Variants in PITPNM3 observed in about 807,000 individuals in gnomAD.
PITPNM3 encodes the protein membrane-associated phosphatidylinositol transfer protein 3.
A neutral mutation model predicts 102.0 loss-of-function variants in PITPNM3; 26 were observed. The ratio of observed to expected loss-of-function variants is 0.25; its 90% CI spans 0.19 to 0.35. The LOEUF (loss-of-function observed/expected upper bound fraction) is 0.35, where lower values mean the gene tolerates loss of function less well. PITPNM3 is among the 10% of genes least tolerant of loss of function. The pLI is 1.00. For missense variants in PITPNM3, 1,083 were observed against 1,346.1 expected (o/e 0.80, Z 3.06); for synonymous variants, 578 against 558.6 (o/e 1.03, Z -0.49).
At chr17:6,465,196 G>A (rs774447409) in intron 14 of PITPNM3, among the ~76,000 whole-genome samples, 7 of 152,264 alleles carry the variant, frequency 4.6e-5, no homozygotes, top group South Asian at 4.1e-4. Context: ...ACAGGCATGC[G>A]CCTCCACACC....
chr17:6,523,748 C>G (rs1567687461), intron 3 of PITPNM3, among the ~76,000 whole-genome samples: 1 of 152,240 alleles, frequency 6.6e-6, no homozygotes, highest in Non-Finnish European at 1.5e-5. Context: ...CTGGCAGATA[C>G]ATGGCTATGA....
intron 4 of PITPNM3, 92 bp downstream of exon 4, chr17:6,503,435 A>G (rs1401980987): frequency 2.1e-6 from 3 of 1,413,432 alleles, no homozygotes; most frequent in Non-Finnish European, 3.0e-6. Context: ...CCATCCTTTC[A>G]GGCTCTGAGT....
At position 6,556,303 on chromosome 17, in the gene PITPNM3, C is replaced by T; in HGVS notation, c.22+82G>A. On this transcript the variant is annotated intron_variant, in intron 1 of 19. Coordinates refer to ENST00000262483, the MANE Select transcript of PITPNM3 (RefSeq NM_031220.4). The surrounding 1 kb of genome is among the most constrained non-coding windows in gnomAD (Gnocchi z 5.2). ...CCTCCGCCCACCTGCGCGAGGGGTT[C>T]ACCTGGGCCGGCGGCCCCTCCTCTA... 8.1e-7 allele frequency: 1 copy of T among 1,242,118 alleles called. No individual in the cohort carries two copies. Among genetic ancestry groups the T allele is most frequent in the African/African-American group, 1.6e-5 (1 of 63,714 alleles). 76.9% of individuals were successfully genotyped at this position (1,242,118 alleles called of 1,614,324 possible). A position where few individuals can be genotyped will look rare whatever the true frequency, so the allele number is the denominator to read the frequency against.
chr17:6,463,666 T>C (rs1904609600), intron 17 of PITPNM3, 66 bp downstream of exon 17: 2 of 1,566,432 alleles, frequency 1.3e-6, no homozygotes, highest in Non-Finnish European at 1.7e-6. Context: ...AAACAACATA[T>C]TTCCCCCAGG....
intron 1 of PITPNM3, among the ~76,000 whole-genome samples, chr17:6,542,722 C>A (rs774215976): frequency 3.9e-5 from 6 of 151,996 alleles, no homozygotes; most frequent in Admixed American, 2.6e-4. Context: ...GCCTTGTCAG[C>A]GACAGGACCA....
chr17:6,479,708 C>G (rs979177281), intron 6 of PITPNM3: 1 of 152,312 alleles, frequency 6.6e-6, no homozygotes, highest in African/African-American at 2.4e-5. Context: ...CAGCAGGTGG[C>G]AGAGTCCTCG....
intron 4 of PITPNM3, among the ~76,000 whole-genome samples, chr17:6,498,850 C>A (rs1176468943): frequency 2.0e-5 from 3 of 152,112 alleles, no homozygotes; most frequent in Admixed American, 2.0e-4. Flanking sequence ...TCCCTACAGC[C>A]AGCACCATGG....
In PITPNM3 at chr17:6,477,195, C is replaced by G. The variant is rs769516771; in HGVS notation, c.919G>C (p.Glu307Gln). The G allele has an allele frequency of 1.2e-6, 2 of 1,614,016 alleles. No individual in the cohort carries two copies. The highest frequency in any genetic ancestry group is 1.6e-4 in the Middle Eastern group (1 of 6,084). The change falls in exon 9 of 20, where the codon GAG becomes CAG. Residue 307 changes from glutamate (E) to glutamine (Q), a missense_variant. Around this residue, in one of 5 missense-constraint regions of PITPNM3, gnomAD observed 172 missense variants for 175.6 expected, o/e 0.98. Coordinates refer to ENST00000262483, the MANE Select transcript of PITPNM3 (RefSeq NM_031220.4). ...SSTQDTPVAV[E>Q]EDCSLASSKR... ...CTGCTGGCCAGGCTGCAATCTTCCT[C>G]CACCGCGACTGGGGTGTCCTTTGGG...
At chr17:6,555,998 C>T (rs1028066889) in intron 1 of PITPNM3, among the ~76,000 whole-genome samples, 4 of 152,110 alleles carry the variant, frequency 2.6e-5, no homozygotes, top group African/African-American at 4.8e-5. Flanking sequence ...GGGCGCGTCC[C>T]GGTTTGCGTT....
chr17:6,542,436 C>T (rs953842612), intron 1 of PITPNM3, among the ~76,000 whole-genome samples: 28 of 152,122 alleles, frequency 1.8e-4, no homozygotes, highest in African/African-American at 6.8e-4. Flanking sequence ...ATGCACACTC[C>T]CATAATTCTC....
intron 1 of PITPNM3, among the ~76,000 whole-genome samples, chr17:6,543,418 C>T (rs1038035986): frequency 1.1e-4 from 16 of 152,318 alleles, no homozygotes; most frequent in Middle Eastern, 3.4e-3. Context: ...TATCAGGGAC[C>T]CCAAGGCAGC....
rs186545053 is a variant in PITPNM3 at position 6,460,093 on chromosome 17, G to T, written c.2490+1280C>A. 3.3e-4 allele frequency among the ~76,000 whole-genome samples: 51 copies of T among 152,244 alleles called. 1 individual carries two copies. The highest frequency in any genetic ancestry group is 1.1e-3 in the African/African-American group (45 of 41,554). On this transcript the variant is annotated intron_variant, in intron 18 of 19. Coordinates refer to ENST00000262483, the MANE Select transcript of PITPNM3 (RefSeq NM_031220.4). ...CCGTGACCCTCAGCAGAGAATTTAT[G>T]ATCTTGGCCTGGTTTCCAAGGTTTT...
Position 6,478,152 on chromosome 17 carries a change from C to G in PITPNM3, c.778-55G>C. On this transcript the variant is annotated intron_variant, in intron 7 of 19. Coordinates refer to ENST00000262483, the MANE Select transcript of PITPNM3 (RefSeq NM_031220.4). This position sits in a 1 kb window ranked among gnomAD's most constrained non-coding sequence, Gnocchi z 4.4. Reference sequence around the variant, plus strand: ...CTGCCCACTGCTGACCCCTCACCCCCACACCCGGCCAGAGCAGTGCTGCCT... The same window carrying G: ...CTGCCCACTGCTGACCCCTCACCCCGACACCCGGCCAGAGCAGTGCTGCCT... The G allele has an allele frequency of 1.2e-6, 2 of 1,607,880 alleles. No individual in the cohort carries two copies. The highest frequency in any genetic ancestry group is 1.7e-6 in the Non-Finnish European group (2 of 1,179,786).
intron 1 of PITPNM3, among the ~76,000 whole-genome samples, chr17:6,549,454 G>T (rs1224162091): frequency 6.6e-6 from 1 of 152,170 alleles, no homozygotes; most frequent in Non-Finnish European, 1.5e-5. Flanking sequence ...GCTGTGTGGG[G>T]CCCCAGTGCT....
chr17:6,476,923 CT>C, intron 9 of PITPNM3, 105 bp downstream of exon 9: 1 of 1,391,528 alleles, frequency 7.2e-7, no homozygotes, highest in Non-Finnish European at 9.9e-7. Context: ...CATTTCAGTG[CT>C]TATCTATGGG....
At chr17:6,483,158 A>C (rs997165867) in intron 6 of PITPNM3, among the ~76,000 whole-genome samples, 8 of 151,978 alleles carry the variant, frequency 5.3e-5, no homozygotes, top group Non-Finnish European at 1.0e-4. Flanking sequence ...ATTAGCCAGG[A>C]TGGTCTTGAT....
chr17:6,535,156 A>G (rs972089055), intron 2 of PITPNM3, among the ~76,000 whole-genome samples: 1 of 151,884 alleles, frequency 6.6e-6, no homozygotes, highest in African/African-American at 2.4e-5. Context: ...AGGCCACAGG[A>G]TGCCAGGCCA....
chr17:6,509,567 G>A (rs945263257), intron 3 of PITPNM3, among the ~76,000 whole-genome samples: 9 of 152,190 alleles, frequency 5.9e-5, no homozygotes, highest in African/African-American at 2.2e-4. Context: ...GGGCCAGACT[G>A]GTGGCTTTGC....
chr17:6,533,892 T>C (rs1318035133), intron 2 of PITPNM3, among the ~76,000 whole-genome samples: 1 of 152,198 alleles, frequency 6.6e-6, no homozygotes, highest in Admixed American at 6.5e-5. Context: ...CACCTGGCAC[T>C]TGATGGACGG....
Sources: allele counts gnomAD v4.1 joint callset (sites outside exome capture counted in the v4.1 genomes callset), GRCh38; gene constraint gnomAD v4.1.1; regional missense constraint gnomAD v4.1.1; non-coding constraint Gnocchi (gnomAD v3.1); transcripts MANE v1.5; gene names NCBI Gene and HGNC (gene_info 2026-07-23, HGNC 2026-07-21).